VPS26A: variants seen among roughly 807,000 people sequenced by gnomAD.
VPS26A encodes the protein VPS26 retromer complex component A, also known as vacuolar protein sorting-associated protein 26A.
A neutral mutation model predicts 42.4 loss-of-function variants in VPS26A; 22 were observed. The ratio of observed to expected loss-of-function variants is 0.52; its 90% CI spans 0.37 to 0.74. The LOEUF is 0.74. VPS26A is among the 30% of genes least tolerant of loss of function. The pLI is 0.00. For synonymous variants in VPS26A, 110 were observed against 123.5 expected, an observed-to-expected ratio of 0.89 and a Z score of 0.73; for missense variants, 276 against 379.2, an observed-to-expected ratio of 0.73 and a Z score of 2.26.
chr10:69,154,906 C>T (rs1841399138), intron 2 of VPS26A, among the ~76,000 whole-genome samples: 1 of 151,792 alleles, frequency 6.6e-6, no homozygotes, highest in Non-Finnish European at 1.5e-5. Context: ...CGTGCGTGCA[C>T]ATATATATAT....
intron 8 of VPS26A, among the ~76,000 whole-genome samples, chr10:69,170,913 T>C (rs1408386162): frequency 1.3e-5 from 2 of 152,132 alleles, no homozygotes; most frequent in African/African-American, 2.4e-5. Flanking sequence ...AAAGTAACAA[T>C]AGGACTTCTT....
At chr10:69,127,369 C>T (rs1341301301) in intron 1 of VPS26A, among the ~76,000 whole-genome samples, 3 of 151,074 alleles carry the variant, frequency 2.0e-5, no homozygotes, top group Admixed American at 1.3e-4. Context: ...CTGGCTAACA[C>T]GGTGAAACCC....
At chr10:69,126,714 A>C (rs1840663323) in intron 1 of VPS26A, among the ~76,000 whole-genome samples, 1 of 152,218 alleles carries the variant, frequency 6.6e-6, no homozygotes, top group African/African-American at 2.4e-5. Context: ...CAGAAGTATT[A>C]GAATTTTATT....
intron 5 of VPS26A, among the ~76,000 whole-genome samples, chr10:69,160,171 T>G (rs12784067): frequency 0.19 from 27,246 of 145,948 alleles, 2,850 homozygotes; most frequent in Non-Finnish European, 0.24. Context: ...CACACACAGT[T>G]TTTTGTTTGT....
intron 5 of VPS26A, 27 bp downstream of exon 5, chr10:69,158,238 T>C: frequency 6.6e-7 from 1 of 1,525,964 alleles, no homozygotes. Context: ...GATAAGTTGT[T>C]CAGAGAAAAT....
At chr10:69,162,342 C>A in intron 5 of VPS26A, 64 bp from the exon 6 acceptor site, 1 of 837,686 alleles carries the variant, frequency 1.2e-6, no homozygotes, top group Non-Finnish European at 1.9e-6. Flanking sequence ...TCTTTTAGGA[C>A]ATAGTTCACT....
chr10:69,165,540 G>A (rs1362112434), intron 6 of VPS26A, among the ~76,000 whole-genome samples: 1 of 151,938 alleles, frequency 6.6e-6, no homozygotes, highest in African/African-American at 2.4e-5. Flanking sequence ...AGGTGCGGTC[G>A]CTCACCTGTA....
chr10:69,148,170 ATAGT>A (rs1428510677), intron 2 of VPS26A, among the ~76,000 whole-genome samples: 7 of 152,198 alleles, frequency 4.6e-5, no homozygotes, highest in Non-Finnish European at 5.9e-5. Context: ...AGTAATTAAG[ATAGT>A]TGGTAATTAT....
chr10:69,173,472 A>ATC lies in VPS26A; in HGVS notation c.*2204_*2205insCT, dbSNP rs1841863018. Among the ~76,000 whole-genome samples the ATC allele has an allele frequency of 6.6e-6, 1 of 151,914 alleles. No homozygotes were observed. The highest frequency in any genetic ancestry group is 1.5e-5 in the Non-Finnish European group (1 of 67,976). ...CCCTATCTCTACAAAAAAATTAACAATGAGCTGGGCATGGTGGCATGCACC... is the reference window on the plus strand; with the variant it reads ...CCCTATCTCTACAAAAAAATTAACAATCTGAGCTGGGCATGGTGGCATGCACC... On this transcript the variant is annotated 3_prime_UTR_variant, in exon 9 of 9. Coordinates refer to ENST00000263559, the MANE Select transcript of VPS26A (RefSeq NM_004896.5).
At chr10:69,146,961 T>C (rs961362864) in intron 2 of VPS26A, among the ~76,000 whole-genome samples, 32 of 152,230 alleles carry the variant, frequency 2.1e-4, no homozygotes, top group African/African-American at 7.5e-4. Context: ...TGCTGGGTCA[T>C]ATGTTAACTT....
intron 2 of VPS26A, 145 bp downstream of exon 2, chr10:69,133,192 G>T: frequency 1.2e-6 from 1 of 843,738 alleles, no homozygotes; most frequent in Non-Finnish European, 1.7e-6. Context: ...ATATTTGATT[G>T]ATTAGAAGAT....
At chr10:69,127,093 ATTT>A (rs71035057) in intron 1 of VPS26A, among the ~76,000 whole-genome samples, 3,248 of 97,436 alleles carry the variant, frequency 0.033, 22 homozygotes, top group Middle Eastern at 0.077. Context: ...CACCCGGCCA[ATTT>A]TTTTTTTTTT....
intron 8 of VPS26A, chr10:69,170,200 C>T (rs1841785942): frequency 2.0e-5 from 3 of 152,158 alleles, no homozygotes. Context: ...ATAATATAAA[C>T]TAACAGAATA....
At chr10:69,149,010 C>T (rs184777590) in intron 2 of VPS26A, among the ~76,000 whole-genome samples, 222 of 152,256 alleles carry the variant, frequency 1.5e-3, no homozygotes, top group Non-Finnish European at 2.2e-3. Flanking sequence ...CCTGCCTCAG[C>T]CTCCCAAAGT....
chr10:69,136,938 C>T lies in VPS26A; in HGVS notation c.153+3891C>T, dbSNP rs1447333533. Among the ~76,000 whole-genome samples, 9 of 151,830 alleles carry T rather than the reference C, an allele frequency of 5.9e-5. No homozygotes were observed. In the South Asian group the frequency reaches 1.0e-3, roughly 18 times the overall value. ...TCCCGAGTAGCTGGGATTACAGGCA[C>T]GTGCCACCATGCCCAGCTAATTTTT... On this transcript the variant is annotated intron_variant, in intron 2 of 8. Coordinates refer to ENST00000263559, the MANE Select transcript of VPS26A (RefSeq NM_004896.5).
intron 5 of VPS26A, chr10:69,161,681 T>C: frequency 2.7e-6 from 1 of 364,964 alleles, no homozygotes; most frequent in Non-Finnish European, 5.5e-6. Flanking sequence ...TTTCTTCTTG[T>C]CATCAACCGG....
intron 2 of VPS26A, among the ~76,000 whole-genome samples, chr10:69,145,750 T>C (rs1841146514): frequency 6.6e-6 from 1 of 151,208 alleles, no homozygotes; most frequent in Admixed American, 6.6e-5. Context: ...AATAGCCTAA[T>C]TGAGTTATAA....
In VPS26A at chr10:69,143,000, G is replaced by T. The variant is rs544330433; in HGVS notation, c.153+9953G>T. Among the ~76,000 whole-genome samples the T allele has an allele frequency of 2.0e-5, 3 of 152,248 alleles. No homozygotes were observed. The South Asian group carries it at 6.2e-4, about 32-fold the overall frequency. Reference sequence around the variant, plus strand: ...AAGAAAAGCCCTTATTTATAAAATGGGGTAGAAAGTTTGTTTCAGGTAAAC... The same window carrying T: ...AAGAAAAGCCCTTATTTATAAAATGTGGTAGAAAGTTTGTTTCAGGTAAAC... On this transcript the variant is annotated intron_variant, in intron 2 of 8. Transcript: ENST00000263559.
intron 5 of VPS26A, chr10:69,161,994 CTTTTT>C (rs36040871): frequency 6.0e-5 from 8 of 132,472 alleles, no homozygotes; most frequent in South Asian, 2.4e-4. Context: ...CAAAATAGTA[CTTTTT>C]TTTTTTTTTT....
Sources: gnomAD v4.1 joint callset for allele counts (sites outside exome capture counted in the v4.1 genomes callset) on GRCh38, gnomAD v4.1.1 for gene constraint, MANE v1.5 for transcripts, NCBI Gene and HGNC (gene_info 2026-07-23, HGNC 2026-07-21) for gene names.